FSD1L: variants seen among roughly 807,000 people sequenced by gnomAD.
FSD1L encodes the protein FSD1-like protein.
Under a neutral mutation model 71.6 loss-of-function variants are expected in FSD1L, and 45 were observed. The ratio of observed to expected loss-of-function variants is 0.63; its 90% confidence interval spans 0.49 to 0.81. The LOEUF (loss-of-function observed/expected upper bound fraction) is 0.81. Among genes scored for constraint, FSD1L ranks in the 30% least tolerant of loss-of-function variants. The pLI, the probability that FSD1L is intolerant of heterozygous loss-of-function variation, is 0.00. For synonymous variants in FSD1L, 197 were observed against 207.2 expected (o/e 0.95, Z 0.42); for missense variants, 561 against 618.1 (o/e 0.91, Z 0.98).
chr9:105,539,149 C>T, intron 12 of FSD1L, 114 bp from the exon 13 acceptor site: 1 of 593,722 alleles, frequency 1.7e-6, no homozygotes, highest in Non-Finnish European at 2.9e-6. Context: ...AGTCCTCATA[C>T]AAAAATTAAT....
At chr9:105,495,635 C>T (rs1833329632) in intron 7 of FSD1L, among the ~76,000 whole-genome samples, 1 of 152,208 alleles carries the variant, frequency 6.6e-6, no homozygotes, top group Non-Finnish European at 1.5e-5. Flanking sequence ...TCCTATTCGG[C>T]CATCTTGGCT....
At chr9:105,453,802 CAT>C (rs1830202036) in intron 1 of FSD1L, among the ~76,000 whole-genome samples, 1 of 152,106 alleles carries the variant, frequency 6.6e-6, no homozygotes, top group Non-Finnish European at 1.5e-5. Flanking sequence ...ACAGTAAACA[CAT>C]ATTGAATGTT....
chr9:105,496,783 T>G (rs1833438984), intron 7 of FSD1L, among the ~76,000 whole-genome samples: 1 of 152,236 alleles, frequency 6.6e-6, no homozygotes, highest in Non-Finnish European at 1.5e-5. Flanking sequence ...TGTTGATTCT[T>G]TTGGATTTTC....
chr9:105,503,969 G>T (rs1480820719), intron 7 of FSD1L, among the ~76,000 whole-genome samples: 1 of 152,140 alleles, frequency 6.6e-6, no homozygotes, highest in East Asian at 1.9e-4. Context: ...CTGCCTGCCA[G>T]TGCAGTCTTA....
In FSD1L at chr9:105,475,791, G is replaced by A. The variant is rs1482087198; in HGVS notation, c.442-3563G>A. On this transcript the variant is annotated intron_variant, in intron 5 of 13. Coordinates refer to ENST00000481272, the MANE Select transcript of FSD1L (RefSeq NM_001145313.3). ...AGTGTATTTCAAGTTATTCACTGGG[G>A]CTTTTGTGACAGATTCTTTCAAATG... is the stretch of plus-strand genomic sequence containing the variant. Among the ~76,000 whole-genome samples the A allele has an allele frequency of 3.3e-5, 5 of 152,090 alleles. No homozygotes were observed. In the South Asian group the frequency reaches 1.0e-3, roughly 31 times the overall value.
intron 13 of FSD1L, among the ~76,000 whole-genome samples, chr9:105,544,866 C>T (rs993358668): frequency 6.6e-6 from 1 of 152,152 alleles, no homozygotes; most frequent in Non-Finnish European, 1.5e-5. Flanking sequence ...AGCGTGATGC[C>T]TCCAGCTTTG....
intron 10 of FSD1L, chr9:105,520,352 A>G (rs998763491): frequency 1.6e-6 from 2 of 1,249,648 alleles, no homozygotes; most frequent in African/African-American, 3.0e-5. Context: ...ATGTTTATTT[A>G]GTGAAAAAAA....
intron 7 of FSD1L, among the ~76,000 whole-genome samples, chr9:105,487,526 T>C (rs1390080879): frequency 6.6e-6 from 1 of 152,134 alleles, no homozygotes; most frequent in African/African-American, 2.4e-5. Flanking sequence ...CATATTTTCA[T>C]AAGCCACTTT....
At chr9:105,461,241 TATC>T (rs1830673413) in intron 1 of FSD1L, among the ~76,000 whole-genome samples, 1 of 152,222 alleles carries the variant, frequency 6.6e-6, no homozygotes, top group Non-Finnish European at 1.5e-5. Flanking sequence ...AAGTCTGTAT[TATC>T]CAGGATGGTA....
Position 105,551,305 on chromosome 9 carries a change from T to C in FSD1L, c.*4822T>C, listed in dbSNP as rs1452572167. The C allele has an allele frequency of 6.6e-6, 1 of 152,100 alleles. No individual in the cohort carries two copies. Among genetic ancestry groups the C allele is most frequent in the African/African-American group, 2.4e-5 (1 of 41,430 alleles). 9.4% of individuals were successfully genotyped at this position (152,100 alleles called of 1,614,324 possible). On this transcript the variant is annotated 3_prime_UTR_variant, in exon 14 of 14. Coordinates refer to ENST00000481272, the MANE Select transcript of FSD1L (RefSeq NM_001145313.3). ...ATGACATAAAAAGGATTTTGGCTTC[T>C]TTTTTGAAGTATTTAAAATTAATCA...
intron 3 of FSD1L, among the ~76,000 whole-genome samples, chr9:105,465,748 A>G (rs139219683): frequency 6.6e-6 from 1 of 152,244 alleles, no homozygotes; most frequent in African/African-American, 2.4e-5. Context: ...TGTAGAAGGA[A>G]TGTACCACAA....
At chr9:105,523,244 C>T in intron 10 of FSD1L, 1 of 1,608,148 alleles carries the variant, frequency 6.2e-7, no homozygotes, top group Non-Finnish European at 8.5e-7. Context: ...CACCTCTGTG[C>T]TCCAGGTCAC....
chr9:105,446,921 C>G (rs957706753), upstream of FSD1L, among the ~76,000 whole-genome samples: 3 of 152,120 alleles, frequency 2.0e-5, no homozygotes, highest in African/African-American at 4.8e-5. Context: ...TGAGGCCTGT[C>G]TGCTTGAGGA....
intron 10 of FSD1L, among the ~76,000 whole-genome samples, chr9:105,527,487 A>G (rs968473263): frequency 2.2e-4 from 34 of 152,118 alleles, no homozygotes; most frequent in Non-Finnish European, 4.3e-4. Context: ...ACCCTCTAGA[A>G]GTATTTTCTT....
intron 9 of FSD1L, among the ~76,000 whole-genome samples, chr9:105,512,181 A>G (rs1834429538): frequency 6.6e-6 from 1 of 151,374 alleles, no homozygotes; most frequent in African/African-American, 2.4e-5. Context: ...AAAATATTAA[A>G]TAATCTGGAA....
chr9:105,467,147 A>G (rs926607935), intron 3 of FSD1L, among the ~76,000 whole-genome samples: 6 of 152,190 alleles, frequency 3.9e-5, no homozygotes, highest in Non-Finnish European at 1.5e-5. Flanking sequence ...CTGACTGCAC[A>G]TTCCACTTCT....
At chr9:105,496,742 C>G (rs1316350208) in intron 7 of FSD1L, among the ~76,000 whole-genome samples, 1 of 152,212 alleles carries the variant, frequency 6.6e-6, no homozygotes, top group Non-Finnish European at 1.5e-5. Context: ...TGCAGCCTTG[C>G]TGCAATCACT....
chr9:105,522,717 C>T, intron 10 of FSD1L: 6 of 1,603,810 alleles, frequency 3.7e-6, no homozygotes, highest in South Asian at 1.1e-5. Context: ...CCAAAAACTG[C>T]CTCCTCTTAA....
intron 10 of FSD1L, chr9:105,524,405 C>T (rs1835373818): frequency 3.1e-6 from 5 of 1,613,830 alleles, no homozygotes; most frequent in Non-Finnish European, 4.2e-6. Context: ...ATGAAATGGA[C>T]AAGAGGTTGG....
Sources: gnomAD v4.1 joint callset for allele counts (sites outside exome capture counted in the v4.1 genomes callset) on GRCh38, gnomAD v4.1.1 for gene constraint, MANE v1.5 for transcripts, NCBI Gene and HGNC (gene_info 2026-07-23, HGNC 2026-07-21) for gene names.